The following MPRIP variants were observed in gnomAD, a reference collection of about 807,000 sequenced individuals.
MPRIP encodes myosin phosphatase Rho interacting protein, also known as myosin phosphatase Rho-interacting protein.
A neutral mutation model predicts 234.9 loss-of-function variants in MPRIP; 59 were observed. That is an observed-to-expected ratio of 0.25 (90% CI 0.20 to 0.31). The LOEUF (loss-of-function observed/expected upper bound fraction) is 0.31, where lower values mean the gene tolerates loss of function less well. Ranked by LOEUF, MPRIP falls within the 10% of genes least tolerant of loss-of-function variation. The probability of loss-of-function intolerance (pLI) is 1.00; values close to 1 mark genes in which losing one functional copy is unlikely to be tolerated. For missense variants in MPRIP, 2,436 were observed against 3,071.0 expected (o/e 0.79, Z 4.89); for synonymous variants, 1,144 against 1,263.9 (o/e 0.91, Z 2.01).
At chr17:17,091,524 G>A (rs2089717340) in intron 3 of MPRIP, among the ~76,000 whole-genome samples, 1 of 152,216 alleles carries the variant, frequency 6.6e-6, no homozygotes, top group African/African-American at 2.4e-5. Context: ...ATGCTCTCGT[G>A]CGTATTAGGT....
At chr17:17,149,050 C>T (rs2045539170) in intron 11 of MPRIP, among the ~76,000 whole-genome samples, 1 of 152,128 alleles carries the variant, frequency 6.6e-6, no homozygotes, top group South Asian at 2.1e-4. Context: ...GTGACCAGTA[C>T]CTAATGTTAC....
intron 1 of MPRIP, among the ~76,000 whole-genome samples, chr17:17,067,790 CTTTTTTTTTT>C (rs35187618): frequency 1.3e-5 from 1 of 76,748 alleles, no homozygotes; most frequent in Non-Finnish European, 2.5e-5. Context: ...CTTCTTCTTC[CTTTTTTTTTT>C]TTTTTTTTTT....
At chr17:17,100,629 G>GC (rs1340479942) in intron 3 of MPRIP, among the ~76,000 whole-genome samples, 1 of 151,990 alleles carries the variant, frequency 6.6e-6, no homozygotes, top group African/African-American at 2.4e-5. Context: ...AACTGCACAT[G>GC]CAAGGGGTCT....
At chr17:17,108,339 C>G (rs776641849) in intron 3 of MPRIP, among the ~76,000 whole-genome samples, 1 of 152,206 alleles carries the variant, frequency 6.6e-6, no homozygotes, top group African/African-American at 2.4e-5. Context: ...AGCTGGGTGG[C>G]CAGCCTGGGA....
chr17:17,103,642 C>T (rs1342607627), intron 3 of MPRIP, among the ~76,000 whole-genome samples: 1 of 152,180 alleles, frequency 6.6e-6, no homozygotes, highest in Non-Finnish European at 1.5e-5. Flanking sequence ...GGGTTGTCAG[C>T]ATTGATGTTG....
intron 1 of MPRIP, among the ~76,000 whole-genome samples, chr17:17,069,447 T>G (rs2089139369): frequency 6.6e-6 from 1 of 151,884 alleles, no homozygotes; most frequent in South Asian, 2.1e-4. Context: ...AGGGCATAGT[T>G]AATGCGTCTC....
In MPRIP at chr17:17,186,724, T is replaced by C. The variant is rs1238557133; in HGVS notation, c.*1830T>C. On this transcript the variant is annotated 3_prime_UTR_variant, in exon 24 of 24. Transcript: ENST00000651222. ...ACAAAGCAAGGCCCCATATCAGATA[T>C]AGATATACTTATCAGACCCCCCCTG... 6.6e-6 allele frequency: 1 copy of C among 152,166 alleles called. No individual in the cohort carries two copies. Among genetic ancestry groups the C allele is most frequent in the African/African-American group, 2.4e-5 (1 of 41,402 alleles). The allele number at this position is 152,166 out of a possible 1,614,324, so 9.4% of individuals were successfully genotyped here.
chr17:17,133,207 C>T (rs1261230387), intron 5 of MPRIP, among the ~76,000 whole-genome samples: 1 of 152,180 alleles, frequency 6.6e-6, no homozygotes. Context: ...GAGTCTGGAG[C>T]ACAGGGTTCC....
intron 12 of MPRIP, among the ~76,000 whole-genome samples, chr17:17,151,177 C>A (rs1284861667): frequency 6.6e-6 from 1 of 152,096 alleles, no homozygotes; most frequent in Non-Finnish European, 1.5e-5. Context: ...AGTCCTGCCC[C>A]CACTTCTGAC....
intron 3 of MPRIP, among the ~76,000 whole-genome samples, chr17:17,084,337 T>G (rs1183447007): frequency 6.6e-6 from 1 of 152,206 alleles, no homozygotes; most frequent in African/African-American, 2.4e-5. Flanking sequence ...CAGAGAAGTC[T>G]TCTGGGAGGA....
At chr17:17,083,451 C>A (rs940996511) in intron 3 of MPRIP, among the ~76,000 whole-genome samples, 14 of 152,150 alleles carry the variant, frequency 9.2e-5, no homozygotes, top group African/African-American at 3.4e-4. Flanking sequence ...GACCTCTGCT[C>A]ACCTCACTCT....
chr17:17,145,932 C>T (rs1052904008), intron 9 of MPRIP, 104 bp from the exon 10 acceptor site: 2 of 1,158,072 alleles, frequency 1.7e-6, no homozygotes, highest in East Asian at 5.1e-5. Context: ...GGAGAAACCC[C>T]TTTCCTGGTA....
At chr17:17,177,452 G>A in intron 22 of MPRIP, 40 bp downstream of exon 22, 1 of 1,595,496 alleles carries the variant, frequency 6.3e-7, no homozygotes, top group Non-Finnish European at 8.6e-7. Flanking sequence ...ATTGCTGGGG[G>A]GCTTATGGGG....
At chr17:17,147,527 A>G in intron 11 of MPRIP, 140 bp downstream of exon 11, 2 of 781,906 alleles carry the variant, frequency 2.6e-6, no homozygotes, top group African/African-American at 3.4e-5. Context: ...ACCTTGCCGA[A>G]GGTATGTCCA....
intron 3 of MPRIP, among the ~76,000 whole-genome samples, chr17:17,123,636 G>A (rs148075071): frequency 0.019 from 2,809 of 151,202 alleles, 79 homozygotes; most frequent in African/African-American, 0.063. Flanking sequence ...CCCAGGGGAT[G>A]GAGGTTGCAG....
chr17:17,079,983 A>C (rs2089425333), intron 3 of MPRIP, among the ~76,000 whole-genome samples: 1 of 152,204 alleles, frequency 6.6e-6, no homozygotes, highest in Admixed American at 6.5e-5. Context: ...GCTCAGGCAG[A>C]GGTGGGACTG....
At chr17:17,168,617 G>A (rs1042118206) in intron 16 of MPRIP, 32 of 348,968 alleles carry the variant, frequency 9.2e-5, no homozygotes, top group South Asian at 3.4e-4. Context: ...GGTGGGCTGA[G>A]TGGAGGCCCA....
rs770959759 is a variant in MPRIP at position 17,166,645 on chromosome 17, G to A, written c.5054G>A (p.Arg1685His). 2.7e-5 allele frequency: 35 copies of A among 1,303,950 alleles called. No homozygotes were observed. Among genetic ancestry groups the A allele is most frequent in the South Asian group, 8.6e-5 (7 of 81,036 alleles). The allele number at this position is 1,303,950 out of a possible 1,614,324, so 80.8% of individuals were successfully genotyped here. Residue 1685 changes from arginine (R) to histidine (H), a missense_variant, in exon 16 of 24, where the codon CGC becomes CAC. Arg to His is a conservative substitution (Grantham distance 29, BLOSUM62 0). Transcript: ENST00000651222. This position sits in a 1 kb window ranked among gnomAD's most constrained non-coding sequence, Gnocchi z 4.4. Reference sequence around the variant, plus strand: ...CAGTCAGTGAGGGAGTCGTTCCACCGCAGGCTACAGAGCATCCAGGAGACC... The same window carrying A: ...CAGTCAGTGAGGGAGTCGTTCCACCACAGGCTACAGAGCATCCAGGAGACC... ...ATQSVRESFH[R>H]RLQSIQETLR...
In MPRIP at chr17:17,158,844, C is replaced by G. The variant is rs1419614420; in HGVS notation, c.2242C>G (p.His748Asp). 1 of 1,611,668 alleles carries G rather than the reference C, an allele frequency of 6.2e-7. No homozygotes were observed. The highest frequency in any genetic ancestry group is 8.5e-7 in the Non-Finnish European group (1 of 1,180,002). ...PGLPMSDLKT[H>D]NVHVEIEQRW... ...GCTGCCTATGAGCGACCTCAAAACG[C>G]ATAACGTCCACGTGGAGATTGAGCA... The change falls in exon 14 of 24, where the codon CAT becomes GAT. Residue 748 changes from histidine (H) to aspartate (D), a missense_variant. By Grantham distance (81) the His-to-Asp change is moderately conservative. Around this residue, in one of 4 missense-constraint regions of MPRIP, gnomAD observed 1,998 missense variants for 2,520.3 expected, o/e 0.79. Transcript: ENST00000651222.
Sources: gnomAD v4.1 joint callset for allele counts (sites outside exome capture counted in the v4.1 genomes callset) on GRCh38, gnomAD v4.1.1 for gene constraint, gnomAD v4.1.1 regional missense constraint, Gnocchi (gnomAD v3.1) non-coding constraint, MANE v1.5 for transcripts, NCBI Gene and HGNC (gene_info 2026-07-23, HGNC 2026-07-21) for gene names.